Variants in PRDM5 observed in about 807,000 individuals in gnomAD.
PRDM5 encodes PR/SET domain 5.
In PRDM5, 56 loss-of-function variants were observed where a neutral mutation model predicts 81.2. The observed-to-expected ratio is 0.69, with a 90% CI of 0.56 to 0.86. The LOEUF is 0.86. PRDM5 is among the 40% of genes least tolerant of loss of function. The probability of loss-of-function intolerance (pLI) is 0.00; values close to 1 mark genes in which losing one functional copy is unlikely to be tolerated. For synonymous variants in PRDM5, 267 were observed against 256.4 expected (o/e 1.04, Z -0.39); for missense variants, 697 against 770.1 (o/e 0.91, Z 1.12).
intron 7 of PRDM5, chr4:120,816,123 T>G (rs575408827): frequency 1.3e-4 from 42 of 313,726 alleles, no homozygotes; most frequent in African/African-American, 8.3e-4. Flanking sequence ...TAACAATTTA[T>G]AAAAGAAATG....
At chr4:120,732,416 ATCCACTTACAAGATC>A (rs142365559) in intron 14 of PRDM5, among the ~76,000 whole-genome samples, 5,432 of 152,228 alleles carry the variant, frequency 0.036, 122 homozygotes, top group African/African-American at 0.061. Flanking sequence ...ATTAATAAAG[ATCCACTTACAAGATC>A]TCCAATTTTA....
intron 14 of PRDM5, among the ~76,000 whole-genome samples, chr4:120,734,174 C>T (rs527765747): frequency 6.6e-6 from 1 of 152,078 alleles, no homozygotes; most frequent in East Asian, 1.9e-4. Flanking sequence ...TGGCACAGGG[C>T]ACCCAGGCTA....
At chr4:120,727,203 T>C (rs1278032713) in intron 14 of PRDM5, among the ~76,000 whole-genome samples, 2 of 152,160 alleles carry the variant, frequency 1.3e-5, no homozygotes, top group African/African-American at 2.4e-5. Flanking sequence ...TAACTTACAC[T>C]GGCACAGTGA....
intron 1 of PRDM5, among the ~76,000 whole-genome samples, chr4:120,912,686 C>T (rs1766653609): frequency 6.6e-6 from 1 of 152,184 alleles, no homozygotes; most frequent in Admixed American, 6.5e-5. Flanking sequence ...TTTGCTAAAA[C>T]AGCATCATGG....
chr4:120,687,961 T>C (rs1733899299), downstream of PRDM5, among the ~76,000 whole-genome samples: 1 of 152,170 alleles, frequency 6.6e-6, no homozygotes, highest in South Asian at 2.1e-4. Context: ...TTAGGTATTA[T>C]GATATAGCAG....
At chr4:120,910,334 T>G (rs977769617) in intron 1 of PRDM5, among the ~76,000 whole-genome samples, 1 of 152,196 alleles carries the variant, frequency 6.6e-6, no homozygotes, top group Admixed American at 6.5e-5. Flanking sequence ...TGAGAAACAA[T>G]GCAGATATTG....
At chr4:120,820,509 C>T (rs1249579220) in intron 4 of PRDM5, among the ~76,000 whole-genome samples, 2 of 152,162 alleles carry the variant, frequency 1.3e-5, no homozygotes. Context: ...ATAATAGAAA[C>T]AAGGCCAATA....
At chr4:120,869,132 T>C (rs1040741696) in intron 2 of PRDM5, among the ~76,000 whole-genome samples, 1 of 152,148 alleles carries the variant, frequency 6.6e-6, no homozygotes, top group Non-Finnish European at 1.5e-5. Flanking sequence ...AAAGTTAAAA[T>C]GTAACAAATA....
intron 14 of PRDM5, among the ~76,000 whole-genome samples, chr4:120,717,656 C>T (rs907617926): frequency 7.9e-5 from 12 of 152,124 alleles, no homozygotes; most frequent in African/African-American, 2.9e-4. Context: ...GAATTCCTGA[C>T]TAAAAGATTA....
intron 15 of PRDM5, among the ~76,000 whole-genome samples, chr4:120,696,769 G>A (rs1473314600): frequency 6.6e-6 from 1 of 152,062 alleles, no homozygotes; most frequent in Non-Finnish European, 1.5e-5. Flanking sequence ...TGAGAGGGAG[G>A]CAAGGCCAGC....
intron 7 of PRDM5, chr4:120,816,087 G>T: frequency 3.6e-6 from 1 of 275,100 alleles, no homozygotes; most frequent in Admixed American, 5.1e-5. Context: ...TAAGGCAGAA[G>T]GACATCACTT....
At chr4:120,809,048 A>G (rs1254174664) in intron 8 of PRDM5, among the ~76,000 whole-genome samples, 2 of 152,236 alleles carry the variant, frequency 1.3e-5, no homozygotes, top group African/African-American at 4.8e-5. Context: ...CTCCTCAAGC[A>G]TGGCCAGAGC....
At chr4:120,746,855 C>T (rs1188063941) in intron 14 of PRDM5, among the ~76,000 whole-genome samples, 1 of 148,126 alleles carries the variant, frequency 6.8e-6, no homozygotes, top group African/African-American at 2.5e-5. Flanking sequence ...ACTACTTCAA[C>T]CATTGTGGAA....
chr4:120,720,202 C>T (rs1578469115), intron 14 of PRDM5, among the ~76,000 whole-genome samples: 3 of 152,228 alleles, frequency 2.0e-5, no homozygotes, highest in Admixed American at 2.0e-4. Flanking sequence ...ATATGGCAAT[C>T]CCACAACAGA....
chr4:120,808,262 T>C (rs1384014748), intron 8 of PRDM5, among the ~76,000 whole-genome samples: 1 of 152,132 alleles, frequency 6.6e-6, no homozygotes, highest in Non-Finnish European at 1.5e-5. Flanking sequence ...GACAGGGTGC[T>C]GATTGGTGCA....
chr4:120,900,811 G>C (rs560993485), intron 2 of PRDM5, among the ~76,000 whole-genome samples: 3 of 152,126 alleles, frequency 2.0e-5, no homozygotes, highest in African/African-American at 7.2e-5. Flanking sequence ...GGAGTTTTGG[G>C]GGGTATTTAT....
At chr4:120,908,437 A>G (rs1766092133) in intron 1 of PRDM5, among the ~76,000 whole-genome samples, 1 of 152,242 alleles carries the variant, frequency 6.6e-6, no homozygotes, top group African/African-American at 2.4e-5. Flanking sequence ...AAAAAAACCA[A>G]CAAAATCTCT....
chr4:120,698,013 G>T (rs1734779062), intron 15 of PRDM5, among the ~76,000 whole-genome samples: 1 of 151,794 alleles, frequency 6.6e-6, no homozygotes, highest in South Asian at 2.1e-4. Context: ...GCTGACATTG[G>T]TTGGAAAATT....
At chr4:120,688,170 A>T (rs1330293113), downstream of PRDM5, among the ~76,000 whole-genome samples, 3 of 151,690 alleles carry the variant, frequency 2.0e-5, no homozygotes, top group African/African-American at 7.3e-5. Flanking sequence ...TGAAGTGGCC[A>T]TTCTAATTGG....
Sources: gnomAD v4.1 joint callset for allele counts (sites outside exome capture counted in the v4.1 genomes callset) on GRCh38, gnomAD v4.1.1 for gene constraint, MANE v1.5 for transcripts, NCBI Gene and HGNC (gene_info 2026-07-23, HGNC 2026-07-21) for gene names.